Variants in MMP3 observed in about 807,000 individuals in gnomAD.
The protein encoded by MMP3 is stromelysin-1.
In MMP3, 46 loss-of-function variants were observed where a neutral mutation model predicts 47.3. The ratio of observed to expected loss-of-function variants is 0.97; its 90% CI spans 0.77 to 1.24. MMP3 has a LOEUF of 1.24. MMP3 is among the 50% of genes most tolerant of loss of function. MMP3 has a pLI of 0.00. For missense variants in MMP3, 558 were observed against 565.5 expected (o/e 0.99, Z 0.13); for synonymous variants, 216 against 206.5 (o/e 1.05, Z -0.39).
At chr11:102,841,405 A>C (rs1858994681) in intron 4 of MMP3, among the ~76,000 whole-genome samples, 1 of 152,234 alleles carries the variant, frequency 6.6e-6, no homozygotes, top group Non-Finnish European at 1.5e-5. Flanking sequence ...CAACCAATCA[A>C]GAATTCTATC....
At position 102,840,171 on chromosome 11, in the gene MMP3, T is replaced by A; in HGVS notation, c.872A>T (p.Asp291Val). The A allele has an allele frequency of 6.2e-6, 10 of 1,614,052 alleles. No homozygotes were observed. The highest frequency in any genetic ancestry group is 8.5e-6 in the Non-Finnish European group (10 of 1,179,994). ...PPEPGTPANC[D>V]PALSFDAVST... The stretch of plus-strand genomic sequence containing the variant: ...GACAGCATCAAAGGACAAAGCAGGA[T>A]CACAGTTGGCTGGCGTCCCAGGTTC... Residue 291 changes from aspartate (D) to valine (V), a missense_variant, in exon 6 of 10, where the codon GAT (aspartate) becomes GTT (valine). By Grantham distance (152) the Asp-to-Val change is radical. Coordinates refer to ENST00000299855, the MANE Select transcript of MMP3 (RefSeq NM_002422.5).
Position 102,839,147 on chromosome 11 carries a change from A to C in MMP3, c.1032T>G (p.Tyr344Ter). ...PSLPSGVDAA[Y>*]EVTSKDLVFI... ...AAACGAGGTCCTTGCTAGTAACTTC[A>C]TATGCGGCATCCACGCCTGAAGGAA... is the stretch of plus-strand genomic sequence containing the variant. The change falls in exon 7 of 10, where the codon TAT (tyrosine) becomes TAG (stop). Residue 344 changes from tyrosine (Y) to a stop codon, truncating the protein, a stop_gained. Transcript: ENST00000299855. LOFTEE classifies it high-confidence loss of function. 1 of 1,614,164 alleles carries C rather than the reference A, an allele frequency of 6.2e-7. No individual in the cohort carries two copies. The highest frequency in any genetic ancestry group is 8.5e-7 in the Non-Finnish European group (1 of 1,179,998).
rs782108213 is a variant in MMP3, at chr11:102,842,217, C to T, written c.562G>A (p.Gly188Arg). The T allele has an allele frequency of 1.9e-6, 3 of 1,612,672 alleles. No homozygotes were observed. The highest frequency in any genetic ancestry group is 1.7e-5 in the Admixed American group (1 of 59,844). Residue 188 changes from glycine (G) to arginine (R), a missense_variant, in exon 4 of 10, where the codon GGG becomes AGG. Coordinates refer to ENST00000299855, the MANE Select transcript of MMP3 (RefSeq NM_002422.5). ...GNVLAHAYAP[G>R]PGINGDAHFD... ...TGGGCATCTCCATTAATCCCTGGCC[C>T]AGGGGCATAGGCATGGGCCAAAACA...
chr11:102,838,979 C>G (rs1402796456), intron 7 of MMP3, 131 bp downstream of exon 7: 7 of 976,322 alleles, frequency 7.2e-6, no homozygotes, highest in African/African-American at 1.6e-5. Context: ...GATATCAGCC[C>G]TGGTTATTTC....
Position 102,839,100 on chromosome 11 carries a change from T to C in MMP3, c.1069+10A>G, listed in dbSNP as rs370634987. ...TTGGCAAGTTAAACAAATGATGATA[T>C]AGTAATTACCTTTAAAAATGAAAAC... On this transcript the variant is annotated intron_variant, in intron 7 of 9. Transcript: ENST00000299855. 260 of 1,605,864 alleles carry C rather than the reference T, an allele frequency of 1.6e-4. No homozygotes were observed. The highest frequency in any genetic ancestry group is 1.9e-4 in the Non-Finnish European group (225 of 1,177,406).
rs782224397 is a variant in MMP3 at position 102,840,636 on chromosome 11, A to G, written c.626-43T>C. The G allele has an allele frequency of 8.1e-6, 13 of 1,598,548 alleles. 1 individual carries two copies. In the South Asian group the frequency reaches 1.2e-4, roughly 15 times the overall value. ...AACAATAGTTACTTATTTTTTAAATACATGTGCATTACACAGGTCTGCTGT... is the reference window on the plus strand; with the variant it reads ...AACAATAGTTACTTATTTTTTAAATGCATGTGCATTACACAGGTCTGCTGT... On this transcript the variant is annotated intron_variant, in intron 4 of 9. Coordinates refer to ENST00000299855, the MANE Select transcript of MMP3 (RefSeq NM_002422.5).
At position 102,837,497 on chromosome 11, in the gene MMP3, T is replaced by A; in HGVS notation, c.1230-96A>T. The A allele has an allele frequency of 1.2e-6, 1 of 865,156 alleles. No individual in the cohort carries two copies. Among genetic ancestry groups the A allele is most frequent in the Non-Finnish European group, 1.9e-6 (1 of 536,374 alleles). 53.6% of individuals were successfully genotyped at this position (865,156 alleles called of 1,614,324 possible). On this transcript the variant is annotated intron_variant, in intron 8 of 9. Coordinates refer to ENST00000299855, the MANE Select transcript of MMP3 (RefSeq NM_002422.5). This position sits in a 1 kb window ranked among gnomAD's most constrained non-coding sequence, Gnocchi z 4.4. ...GGTTTAATGTGGAATTTTACTAAAC[T>A]TTATAAATACTGCAAATAAATGCCA...
In MMP3 at chr11:102,836,138, C is replaced by T; in HGVS notation, c.1422G>A (p.Trp474Ter). Residue 474 changes from tryptophan to a stop codon, truncating the protein, a stop_gained, in exon 10 of 10, where the codon TGG (tryptophan) becomes TGA (stop). Coordinates refer to ENST00000299855, the MANE Select transcript of MMP3 (RefSeq NM_002422.5). LOFTEE classifies it high-confidence loss of function. This position sits in a 1 kb window ranked among gnomAD's most constrained non-coding sequence, Gnocchi z 4.6. ...KVTHTLKSNS[W>*]LNC ...CTACATATCTCTTTCAACAATTAAG[C>T]CAGCTGTTACTCTTCAAAGTGTGTG... 6.2e-7 allele frequency: 1 copy of T among 1,613,478 alleles called. No homozygotes were observed. The highest frequency in any genetic ancestry group is 8.5e-7 in the Non-Finnish European group (1 of 1,179,508).
Position 102,836,320 on chromosome 11 carries a change from GAA to G in MMP3, c.1334-96_1334-95del. On this transcript the variant is annotated intron_variant, in intron 9 of 9. Transcript: ENST00000299855. The surrounding 1 kb of genome is among the most constrained non-coding windows in gnomAD (Gnocchi z 4.6). Reference sequence around the variant, plus strand: ...TCAGAATCATAGAGAACTAAAAATAGAAAGTGTTTATAGAGCTTTACTTTATG... The same window carrying G: ...TCAGAATCATAGAGAACTAAAAATAGAGTGTTTATAGAGCTTTACTTTATG... The G allele has an allele frequency of 1.0e-6, 1 of 963,400 alleles. No individual in the cohort carries two copies. 59.7% of individuals were successfully genotyped at this position (963,400 alleles called of 1,614,324 possible).
chr11:102,841,295 C>G lies in MMP3; in HGVS notation c.626-702G>C, dbSNP rs1858992646. ...ATTATGATCAATATAGTAAGTAAATCTACCTTACTTTTGCTAGTATTACTT... is the reference window on the plus strand; with the variant it reads ...ATTATGATCAATATAGTAAGTAAATGTACCTTACTTTTGCTAGTATTACTT... On this transcript the variant is annotated intron_variant, in intron 4 of 9. Transcript: ENST00000299855. Among the ~76,000 whole-genome samples, 2 of 152,152 alleles carry G rather than the reference C, an allele frequency of 1.3e-5. 1 individual carries two copies. Among genetic ancestry groups the G allele is most frequent in the South Asian group, 4.1e-4 (2 of 4,830 alleles).
chr11:102,840,460 T>C lies in MMP3; in HGVS notation c.759A>G (p.Gln253=), dbSNP rs2134400111. The change falls in exon 5 of 10, where the codon CAA becomes CAG. Residue 253 remains glutamine, a synonymous_variant. Transcript: ENST00000299855. ...GGGACTGAATGCCATTTATATCATC[T>C]TGAGACAGGCGGAACCGAGTCAGGT... ...LTDLTRFRLS[Q]DDINGIQSLY... 6.2e-7 allele frequency: 1 copy of C among 1,614,074 alleles called. No individual in the cohort carries two copies. Among genetic ancestry groups the C allele is most frequent in the East Asian group, 2.2e-5 (1 of 44,876 alleles).
Position 102,837,892 on chromosome 11 carries a change from G to T in MMP3, c.1230-491C>A, listed in dbSNP as rs1858912344. ...AAGTGTGTTTTTAGCCCATTGGCTG[G>T]ATATCAGATGGTCGGCCTCGATGTC... On this transcript the variant is annotated intron_variant, in intron 8 of 9. Transcript: ENST00000299855. This position sits in a 1 kb window ranked among gnomAD's most constrained non-coding sequence, Gnocchi z 4.4. 6.6e-6 allele frequency among the ~76,000 whole-genome samples: 1 copy of T among 152,144 alleles called. No individual in the cohort carries two copies. Among genetic ancestry groups the T allele is most frequent in the African/African-American group, 2.4e-5 (1 of 41,454 alleles).
At position 102,842,449 on chromosome 11, in the gene MMP3, T is replaced by TCA. The variant is rs782360871; in HGVS notation, c.479_480dup (p.Ile161Ter). 4 of 836,204 alleles carry TCA rather than the reference T, an allele frequency of 4.8e-6. No homozygotes were observed. The highest frequency in any genetic ancestry group is 7.5e-6 in the Non-Finnish European group (4 of 536,514). 51.8% of individuals were successfully genotyped at this position (836,204 alleles called of 1,614,324 possible). On this transcript the variant is annotated frameshift_variant, in exon 3 of 10. Transcript: ENST00000299855. LOFTEE classifies it high-confidence loss of function. The stretch of plus-strand genomic sequence containing the variant: ...TTTTTACCTCTAACTGCAAAAGAGA[T>TCA]CATTATATCAGCCTCTCCTTCATAC...
intron 5 of MMP3, 42 bp from the exon 6 acceptor site, chr11:102,840,294 T>C: frequency 2.5e-6 from 4 of 1,604,170 alleles, no homozygotes; most frequent in African/African-American, 1.3e-5. Flanking sequence ...TTTCAATATA[T>C]GCCCATTTGT....
rs1555004957 is a variant in MMP3, at chr11:102,838,665, T to C, written c.1115A>G (p.Tyr372Cys). The change falls in exon 8 of 10, where the codon TAC becomes TGC. Residue 372 changes from tyrosine to cysteine, a missense_variant. Coordinates refer to ENST00000299855, the MANE Select transcript of MMP3 (RefSeq NM_002422.5). ...AIRGNEVRAG[Y>C]PRGIHTLGFP... ...ACCTAGGGTGTGGATGCCTCTTGGG[T>C]ATCCAGCTCGTACCTCATTTCCTCT... 3 of 1,612,978 alleles carry C rather than the reference T, an allele frequency of 1.9e-6. No individual in the cohort carries two copies. In the East Asian group the frequency reaches 6.7e-5, roughly 36 times the overall value.
Position 102,842,928 on chromosome 11 carries a change from A to T in MMP3, c.106-12T>A. ...TTTTCTAGATATTTCTAACAGAATA[A>T]GTATAGTTTTTAGGTCACTCTTACA... On this transcript the variant is annotated splice_polypyrimidine_tract_variant and intron_variant, in intron 1 of 9. Coordinates refer to ENST00000299855, the MANE Select transcript of MMP3 (RefSeq NM_002422.5). The T allele has an allele frequency of 6.3e-7, 1 of 1,579,578 alleles. No homozygotes were observed. Among genetic ancestry groups the T allele is most frequent in the Non-Finnish European group, 8.6e-7 (1 of 1,161,428 alleles).
chr11:102,837,271 T>C lies in MMP3; in HGVS notation c.1333+27A>G, dbSNP rs782271149. ...ATCATAAAATGTTTCAAGTGCTCTA[T>C]GGCCAACACAGTAAGTATCCTCTTA... On this transcript the variant is annotated intron_variant, in intron 9 of 9. Coordinates refer to ENST00000299855, the MANE Select transcript of MMP3 (RefSeq NM_002422.5). The surrounding 1 kb of genome is among the most constrained non-coding windows in gnomAD (Gnocchi z 4.4). 1 of 1,544,644 alleles carries C rather than the reference T, an allele frequency of 6.5e-7. No homozygotes were observed. The highest frequency in any genetic ancestry group is 2.2e-5 in the East Asian group (1 of 44,548).
Position 102,835,824 on chromosome 11 carries a change from T to C in MMP3, c.*302A>G, listed in dbSNP as rs1281721416. ...GATAAAATAACTGACAAATCGTCTT[T>C]ATTAAATAAGCAAATAGTCTACACA... On this transcript the variant is annotated 3_prime_UTR_variant, in exon 10 of 10. Transcript: ENST00000299855. The C allele has an allele frequency of 1.3e-5, 3 of 232,252 alleles. No homozygotes were observed. The Admixed American group carries it at 1.5e-4, about 12-fold the overall frequency. The allele number at this position is 232,252 out of a possible 1,614,324, so 14.4% of individuals were successfully genotyped here.
Position 102,836,496 on chromosome 11 carries a change from A to G in MMP3, c.1334-270T>C, listed in dbSNP as rs1858884570. ...GCTTCCTCAAGGTTACTCAGCAAGGAAGAATGGAGACAGCACTCGGTGCCA... is the reference window on the plus strand; with the variant it reads ...GCTTCCTCAAGGTTACTCAGCAAGGGAGAATGGAGACAGCACTCGGTGCCA... On this transcript the variant is annotated intron_variant, in intron 9 of 9. Coordinates refer to ENST00000299855, the MANE Select transcript of MMP3 (RefSeq NM_002422.5). This position sits in a 1 kb window ranked among gnomAD's most constrained non-coding sequence, Gnocchi z 4.6. The G allele has an allele frequency of 3.7e-6, 2 of 547,728 alleles. 1 individual carries two copies. Among genetic ancestry groups the G allele is most frequent in the Admixed American group, 4.5e-5 (2 of 44,818 alleles). The allele number at this position is 547,728 out of a possible 1,614,324, so 33.9% of individuals were successfully genotyped here. A position where few individuals can be genotyped will look rare whatever the true frequency, so the allele number is the denominator to read the frequency against.
Sources: allele counts gnomAD v4.1 joint callset (sites outside exome capture counted in the v4.1 genomes callset), GRCh38; gene constraint gnomAD v4.1.1; non-coding constraint Gnocchi (gnomAD v3.1); transcripts MANE v1.5; gene names NCBI Gene and HGNC (gene_info 2026-07-23, HGNC 2026-07-21).